NRG1: variants seen among roughly 807,000 people sequenced by gnomAD.
The protein encoded by NRG1 is pro-neuregulin-1, membrane-bound isoform.
In NRG1, 18 loss-of-function variants were observed where a neutral mutation model predicts 63.8. That is an observed-to-expected ratio of 0.28 (90% CI 0.19 to 0.42). The LOEUF (loss-of-function observed/expected upper bound fraction) is 0.42. Among genes scored for constraint, NRG1 ranks in the 10% least tolerant of loss-of-function variants. The probability of loss-of-function intolerance (pLI) is 1.00; values close to 1 mark genes in which losing one functional copy is unlikely to be tolerated. For synonymous variants in NRG1, 302 were observed against 301.3 expected, an observed-to-expected ratio of 1.00 and a Z score of -0.02; for missense variants, 762 against 814.7, an observed-to-expected ratio of 0.94 and a Z score of 0.79.
chr8:32,510,130 T>TCATCATCATC, intron 1 of NRG1, among the ~76,000 whole-genome samples: 1 of 141,816 alleles, frequency 7.1e-6, no homozygotes, highest in Non-Finnish European at 1.5e-5. Context: ...ATAATAATCA[T>TCATCATCATC]AAAAGCAAGG....
At chr8:32,063,738 A>C (rs899005) in intron 1 of NRG1, among the ~76,000 whole-genome samples, 148,604 of 152,218 alleles carry the variant, frequency 0.98, 72,638 homozygotes, top group East Asian at 1. Flanking sequence ...GAGAAACACA[A>C]ACATTTTATA....
At chr8:32,115,743 G>A (rs1344921598) in intron 1 of NRG1, among the ~76,000 whole-genome samples, 1 of 152,112 alleles carries the variant, frequency 6.6e-6, no homozygotes, top group African/African-American at 2.4e-5. Flanking sequence ...CTACAAGGTG[G>A]ATACTACTAT....
At chr8:32,092,116 T>TA (rs1477274036) in intron 1 of NRG1, among the ~76,000 whole-genome samples, 2 of 152,028 alleles carry the variant, frequency 1.3e-5, no homozygotes, top group African/African-American at 4.8e-5. Context: ...ACAACATATG[T>TA]AAAACCATTA....
chr8:32,415,918 G>A (rs1310084516), intron 1 of NRG1, among the ~76,000 whole-genome samples: 1 of 152,140 alleles, frequency 6.6e-6, no homozygotes, highest in Non-Finnish European at 1.5e-5. Context: ...TTTCATCTGT[G>A]CAGATTGCTG....
At chr8:31,709,213 T>G (rs1174939795) in intron 1 of NRG1, among the ~76,000 whole-genome samples, 2 of 151,982 alleles carry the variant, frequency 1.3e-5, no homozygotes, top group African/African-American at 4.8e-5. Context: ...TGATTTTTTT[T>G]TTTGGTCAAA....
At chr8:32,414,920 C>T (rs928134468) in intron 1 of NRG1, among the ~76,000 whole-genome samples, 2 of 152,078 alleles carry the variant, frequency 1.3e-5, no homozygotes, top group Non-Finnish European at 2.9e-5. Flanking sequence ...ACTCCCTGGG[C>T]TTAGTAGTGT....
chr8:32,313,140 G>T (rs1262539345), intron 1 of NRG1, among the ~76,000 whole-genome samples: 1 of 152,206 alleles, frequency 6.6e-6, no homozygotes, highest in Non-Finnish European at 1.5e-5. Context: ...GGGCAACAGA[G>T]TGAGATTCCG....
At chr8:32,615,941 A>G (rs1322677409) in intron 4 of NRG1, among the ~76,000 whole-genome samples, 1 of 152,118 alleles carries the variant, frequency 6.6e-6, no homozygotes, top group East Asian at 1.9e-4. Context: ...TCTGTAATAT[A>G]GGGACTTCGT....
At chr8:32,661,967 G>C (rs924312277) in intron 5 of NRG1, among the ~76,000 whole-genome samples, 5 of 152,110 alleles carry the variant, frequency 3.3e-5, no homozygotes, top group Non-Finnish European at 7.4e-5. Context: ...TCGTTTCTAA[G>C]AGTCTATTGC....
chr8:32,209,985 A>AT (rs1444963107), intron 1 of NRG1, among the ~76,000 whole-genome samples: 1 of 152,112 alleles, frequency 6.6e-6, no homozygotes, highest in Non-Finnish European at 1.5e-5. Flanking sequence ...TGAAGGGATG[A>AT]TTTTTTAGTT....
chr8:31,785,975 C>T (rs1479059247), intron 1 of NRG1, among the ~76,000 whole-genome samples: 9 of 152,292 alleles, frequency 5.9e-5, no homozygotes, highest in African/African-American at 2.2e-4. Flanking sequence ...TAATTATTCA[C>T]AGCGTGTTAC....
chr8:32,400,585 C>A (rs1237640967), intron 1 of NRG1, among the ~76,000 whole-genome samples: 1 of 152,050 alleles, frequency 6.6e-6, no homozygotes, highest in African/African-American at 2.4e-5. Flanking sequence ...CAAATCAAAT[C>A]CACAATGAGA....
chr8:32,541,773 C>A (rs1047210937), intron 1 of NRG1, among the ~76,000 whole-genome samples: 2 of 152,008 alleles, frequency 1.3e-5, no homozygotes, highest in African/African-American at 4.8e-5. Context: ...AGAAAATGAC[C>A]GCCAAGTATG....
At chr8:32,407,081 T>TAATATTAATTCCTGTAATATTAA (rs1486641107) in intron 1 of NRG1, among the ~76,000 whole-genome samples, 4 of 151,810 alleles carry the variant, frequency 2.6e-5, no homozygotes, top group African/African-American at 9.7e-5. Context: ...CAGATCTCTG[T>TAATATTAATTCCTGTAATATTAA]TTCCTCATCT....
chr8:32,373,666 T>C (rs986070244), intron 1 of NRG1, among the ~76,000 whole-genome samples: 1 of 152,076 alleles, frequency 6.6e-6, no homozygotes, highest in Non-Finnish European at 1.5e-5. Context: ...TAATCCCAGC[T>C]ACTGGGGAGG....
intron 1 of NRG1, among the ~76,000 whole-genome samples, chr8:31,829,407 G>A (rs572543501): frequency 2.6e-5 from 4 of 152,140 alleles, no homozygotes; most frequent in Non-Finnish European, 4.4e-5. Context: ...CCATGCTCAC[G>A]GCTACAAATG....
chr8:32,512,302 A>G (rs1228429181), intron 1 of NRG1, among the ~76,000 whole-genome samples: 2 of 152,262 alleles, frequency 1.3e-5, no homozygotes, highest in Non-Finnish European at 2.9e-5. Context: ...AGGCTTTGAC[A>G]TCAGCTATAT....
intron 5 of NRG1, among the ~76,000 whole-genome samples, chr8:32,721,541 T>G (rs2129002991): frequency 6.6e-6 from 1 of 152,258 alleles, no homozygotes; most frequent in South Asian, 2.1e-4. Context: ...TTGAGCAGAG[T>G]TCAGTCAAGG....
intron 1 of NRG1, among the ~76,000 whole-genome samples, chr8:32,224,616 G>A (rs968120748): frequency 6.6e-6 from 1 of 152,180 alleles, no homozygotes; most frequent in Non-Finnish European, 1.5e-5. Context: ...CACAAGAACT[G>A]TGTAATTAAA....
Sources: gnomAD v4.1 joint callset for allele counts (sites outside exome capture counted in the v4.1 genomes callset) on GRCh38, gnomAD v4.1.1 for gene constraint, MANE v1.5 for transcripts, NCBI Gene and HGNC (gene_info 2026-07-23, HGNC 2026-07-21) for gene names.